The following DIAPH2 variants were observed in gnomAD, a reference collection of about 807,000 sequenced individuals.
DIAPH2 encodes protein diaphanous homolog 2.
Under a neutral mutation model 92.7 loss-of-function variants are expected in DIAPH2, and 35 were observed. The ratio of observed to expected loss-of-function variants is 0.38; its 90% CI spans 0.29 to 0.50. The LOEUF is 0.50. Ranked by LOEUF, DIAPH2 falls within the 20% of genes least tolerant of loss-of-function variation. The pLI, the probability that DIAPH2 is intolerant of heterozygous loss-of-function variation, is 0.94. For synonymous variants in DIAPH2, 301 were observed against 280.4 expected, an observed-to-expected ratio of 1.07 and a Z score of -0.73; for missense variants, 701 against 819.5, an observed-to-expected ratio of 0.86 and a Z score of 1.77.
intron 22 of DIAPH2, among the ~76,000 whole-genome samples, chrX:97,188,000 G>T: frequency 1.8e-5 from 2 of 111,858 alleles, no homozygotes; most frequent in South Asian, 7.5e-4. Context: ...TCTGGGTGAA[G>T]ATTTTAAGCA....
At chrX:96,952,796 A>G (rs2065784647) in intron 15 of DIAPH2, among the ~76,000 whole-genome samples, 1 of 111,017 alleles carries the variant, frequency 9.0e-6, no homozygotes, top group Non-Finnish European at 1.9e-5. Flanking sequence ...CAGTTAGAAG[A>G]ACTAAATAAT....
chrX:97,040,948 A>C (rs918774875), intron 17 of DIAPH2, among the ~76,000 whole-genome samples: 5 of 110,669 alleles, frequency 4.5e-5, no homozygotes, highest in African/African-American at 1.6e-4. Context: ...TTTACTGTTG[A>C]TGAAACAATA....
rs370798745 is a variant in DIAPH2 at position 96,923,424 on chromosome X, G to A, written c.978+4807G>A. ...TAGATTTGTCCTTTGGAATACAACT[G>A]AGAACTAAAAAATAAAACAAAAATT... On this transcript the variant is annotated intron_variant, in intron 9 of 26. Transcript: ENST00000324765. 3.6e-5 allele frequency among the ~76,000 whole-genome samples: 4 copies of A among 111,909 alleles called. No individual in the cohort carries two copies. In the East Asian group the frequency reaches 1.1e-3, roughly 31 times the overall value.
intron 26 of DIAPH2, among the ~76,000 whole-genome samples, chrX:97,441,768 C>T (rs951933109): frequency 6.2e-5 from 7 of 112,757 alleles, no homozygotes; most frequent in Non-Finnish European, 1.1e-4. Context: ...GAGCCGAGAT[C>T]GTGCCACTGC....
At chrX:97,359,570 C>CTTTTTTT (rs1162203236) in intron 24 of DIAPH2, among the ~76,000 whole-genome samples, 13 of 66,698 alleles carry the variant, frequency 1.9e-4, no homozygotes, top group South Asian at 8.5e-4. Context: ...CATGGATAAT[C>CTTTTTTT]TTTTTTTTTT....
At chrX:96,935,535 C>G (rs2065651498) in intron 10 of DIAPH2, among the ~76,000 whole-genome samples, 1 of 110,567 alleles carries the variant, frequency 9.0e-6, no homozygotes, top group African/African-American at 3.3e-5. Flanking sequence ...GTTGCAGTTT[C>G]CAAGAACTAC....
At chrX:97,126,423 AT>A (rs760831432) in intron 21 of DIAPH2, among the ~76,000 whole-genome samples, 1 of 112,303 alleles carries the variant, frequency 8.9e-6, no homozygotes, top group East Asian at 2.8e-4. Flanking sequence ...TCTAAGGATT[AT>A]TTATATACAT....
chrX:97,479,733 G>C (rs1228725597), intron 26 of DIAPH2, among the ~76,000 whole-genome samples: 1 of 110,224 alleles, frequency 9.1e-6, no homozygotes, highest in Non-Finnish European at 1.9e-5. Context: ...AACTATATGA[G>C]AGTAGGAGCC....
At chrX:96,758,782 G>C (rs775441990) in intron 4 of DIAPH2, among the ~76,000 whole-genome samples, 13 of 111,372 alleles carry the variant, frequency 1.2e-4, no homozygotes, top group Non-Finnish European at 2.1e-4. Flanking sequence ...TAATGTAAAG[G>C]ATGTCACCTA....
chrX:96,802,807 G>A (rs1231272835), intron 4 of DIAPH2, among the ~76,000 whole-genome samples: 1 of 111,668 alleles, frequency 9.0e-6, no homozygotes, highest in Non-Finnish European at 1.9e-5. Context: ...AAGGAAGCCA[G>A]TCGGAGTCCC....
intron 23 of DIAPH2, among the ~76,000 whole-genome samples, chrX:97,294,315 A>T (rs940164951): frequency 7.1e-5 from 8 of 112,163 alleles, no homozygotes; most frequent in African/African-American, 2.6e-4. Context: ...CTTATTTATT[A>T]GGACTGGAAA....
intron 23 of DIAPH2, among the ~76,000 whole-genome samples, chrX:97,288,585 A>T (rs1223567777): frequency 4.5e-5 from 5 of 110,357 alleles, no homozygotes; most frequent in Non-Finnish European, 9.5e-5. Context: ...TACTAAAAGT[A>T]CAAAAATTAG....
At chrX:97,544,615 T>C (rs1473743796) in intron 26 of DIAPH2, among the ~76,000 whole-genome samples, 1 of 111,621 alleles carries the variant, frequency 9.0e-6, no homozygotes, top group African/African-American at 3.3e-5. Flanking sequence ...TTAGGCCAGG[T>C]CATTTTTACT....
chrX:97,469,842 A>G (rs1274460937), intron 26 of DIAPH2: 34 of 1,137,477 alleles, frequency 3.0e-5, no homozygotes, highest in Non-Finnish European at 3.8e-5. Context: ...CATGATATTC[A>G]TTTTGTCTGG....
chrX:96,785,315 A>G (rs965619015), intron 4 of DIAPH2, among the ~76,000 whole-genome samples: 85 of 110,030 alleles, frequency 7.7e-4, no homozygotes, highest in African/African-American at 2.7e-3. Flanking sequence ...ACAGAAATGT[A>G]TTTTCTCACA....
At chrX:97,302,269 C>T (rs1284340087) in intron 23 of DIAPH2, among the ~76,000 whole-genome samples, 1 of 107,416 alleles carries the variant, frequency 9.3e-6, no homozygotes, top group Non-Finnish European at 1.9e-5. Context: ...TGGCTCACAC[C>T]TGTAATCCCA....
At chrX:97,316,662 A>C (rs1325554739) in intron 23 of DIAPH2, among the ~76,000 whole-genome samples, 1 of 111,575 alleles carries the variant, frequency 9.0e-6, no homozygotes, top group Non-Finnish European at 1.9e-5. Context: ...TCTCAAGAAA[A>C]AAGAAATCAG....
chrX:97,201,140 C>CCA (rs1303710939), intron 22 of DIAPH2, among the ~76,000 whole-genome samples: 7 of 97,334 alleles, frequency 7.2e-5, no homozygotes, highest in African/African-American at 2.6e-4. Context: ...GACCCCCCCC[C>CCA]CAAAAAAAAC....
intron 3 of DIAPH2, among the ~76,000 whole-genome samples, chrX:96,743,057 A>C (rs2064129577): frequency 8.9e-6 from 1 of 112,325 alleles, no homozygotes; most frequent in African/African-American, 3.2e-5. Flanking sequence ...GAATATCATA[A>C]TGTTTCATCA....
Sources: gnomAD v4.1 joint callset for allele counts (sites outside exome capture counted in the v4.1 genomes callset) on GRCh38, gnomAD v4.1.1 for gene constraint, MANE v1.5 for transcripts, NCBI Gene and HGNC (gene_info 2026-07-23, HGNC 2026-07-21) for gene names.